The following NEBL variants were observed in gnomAD, a reference collection of about 807,000 sequenced individuals.
NEBL encodes the protein LIM and SH3 protein 2.
NEBL carries 122 observed loss-of-function variants against 140.2 expected under a neutral mutation model. That is an observed-to-expected ratio of 0.87 (90% CI 0.75 to 1.01). The LOEUF (loss-of-function observed/expected upper bound fraction) is 1.01, where lower values mean the gene tolerates loss of function less well. Ranked by LOEUF, NEBL falls within the 50% of genes least tolerant of loss-of-function variation. The pLI is 0.00. For synonymous variants in NEBL, 436 were observed against 398.9 expected (o/e 1.09, Z -1.11); for missense variants, 1,365 against 1,231.3 (o/e 1.11, Z -1.62).
At chr10:20,814,162 T>A in intron 22 of NEBL, 119 bp from the exon 23 acceptor site, 6 of 729,100 alleles carry the variant, frequency 8.2e-6, no homozygotes, top group Non-Finnish European at 1.2e-5. Context: ...CAGGTAACTA[T>A]TTCAGTGAAT....
rs147228225 is a variant in NEBL at position 21,109,943 on chromosome 10, T to G, written c.164+62440A>C. 7.8e-3 allele frequency among the ~76,000 whole-genome samples: 1,194 copies of G among 152,282 alleles called. 53 individuals are homozygous for G. The East Asian group carries it at 0.12, about 15-fold the overall frequency. On this transcript the variant is annotated intron_variant, in intron 2 of 6. Coordinates refer to the NEBL transcript ENST00000417816. The stretch of plus-strand genomic sequence containing the variant: ...TGGTCTATCTATGTTGTTAGTCTTT[T>G]CAAAAAACCAGCTCCTGGATTCATT...
intron 2 of NEBL, among the ~76,000 whole-genome samples, chr10:21,031,004 A>G (rs1833755556): frequency 6.6e-6 from 1 of 152,200 alleles, no homozygotes; most frequent in Admixed American, 6.5e-5. Context: ...CATGTGGAGG[A>G]AAAAGCGTGA....
Position 21,030,186 on chromosome 10 carries a change from A to C in NEBL, c.165-9985T>G, listed in dbSNP as rs1190792649. 7 of 489,702 alleles carry C rather than the reference A, an allele frequency of 1.4e-5. No individual in the cohort carries two copies. The East Asian group carries it at 3.4e-4, about 24-fold the overall frequency. 30.3% of individuals were successfully genotyped at this position (489,702 alleles called of 1,614,324 possible). ...GATAAGTTGCAGCATCAGCTGGATG[A>C]GGCAAAACTAGAATGACGGCCTCGG... On this transcript the variant is annotated intron_variant, in intron 2 of 6. Coordinates refer to the NEBL transcript ENST00000417816.
intron 4 of NEBL, among the ~76,000 whole-genome samples, chr10:20,917,936 T>G (rs1380928922): frequency 6.6e-6 from 1 of 152,214 alleles, no homozygotes; most frequent in Non-Finnish European, 1.5e-5. Flanking sequence ...AATATGATCA[T>G]TGAGAAAATG....
intron 3 of NEBL, among the ~76,000 whole-genome samples, chr10:20,995,044 C>G (rs1330913126): frequency 6.6e-6 from 1 of 152,168 alleles, no homozygotes; most frequent in Non-Finnish European, 1.5e-5. Flanking sequence ...ACACCTCTCC[C>G]AAAAGCCAAC....
chr10:20,790,634 A>C (rs929582557), intron 26 of NEBL, among the ~76,000 whole-genome samples: 6 of 151,982 alleles, frequency 3.9e-5, no homozygotes, highest in Non-Finnish European at 8.8e-5. Context: ...AAACAAAAAA[A>C]CAAAGACAAA....
intron 4 of NEBL, among the ~76,000 whole-genome samples, chr10:20,933,564 T>C (rs1834312658): frequency 6.6e-6 from 1 of 151,898 alleles, no homozygotes; most frequent in Admixed American, 6.6e-5. Context: ...CTAAACCCCA[T>C]TTCTACTAAA....
At chr10:20,857,337 G>A (rs3791199) in intron 9 of NEBL, among the ~76,000 whole-genome samples, 21,932 of 152,076 alleles carry the variant, frequency 0.14, 2,070 homozygotes, top group Non-Finnish European at 0.21. Flanking sequence ...TTTGCCTATA[G>A]ATTTCTAAGT....
rs117863732 is a variant in NEBL at position 20,932,741 on chromosome 10, G to A, written c.357+28931C>T. On this transcript the variant is annotated intron_variant, in intron 4 of 6. Transcript: ENST00000417816. ...TTTACATAAAACCATTTTATTTGTCGATACTAATCGTTGTGCTATTTCTTC... is the reference window on the plus strand; with the variant it reads ...TTTACATAAAACCATTTTATTTGTCAATACTAATCGTTGTGCTATTTCTTC... Among the ~76,000 whole-genome samples the A allele has an allele frequency of 1.7e-3, 266 of 152,146 alleles. 8 individuals carry two copies. The East Asian group carries it at 0.044, about 25-fold the overall frequency.
At chr10:20,823,444 T>C (rs1369079312) in intron 18 of NEBL, 144 bp from the exon 19 acceptor site, 4 of 603,626 alleles carry the variant, frequency 6.6e-6, no homozygotes, top group South Asian at 4.4e-5. Context: ...TAATTCTTAA[T>C]TTTATATGAT....
At chr10:21,086,843 G>A (rs978130421) in intron 2 of NEBL, among the ~76,000 whole-genome samples, 2 of 152,118 alleles carry the variant, frequency 1.3e-5, no homozygotes, top group African/African-American at 4.8e-5. Context: ...CAATGACAAA[G>A]ACAGATACCA....
At chr10:20,943,476 T>C (rs1835002364) in intron 4 of NEBL, among the ~76,000 whole-genome samples, 1 of 152,074 alleles carries the variant, frequency 6.6e-6, no homozygotes, top group Non-Finnish European at 1.5e-5. Flanking sequence ...GCATTAGGAA[T>C]ATACCTAATG....
chr10:20,938,782 G>A (rs111681971), intron 4 of NEBL, among the ~76,000 whole-genome samples: 1 of 152,138 alleles, frequency 6.6e-6, no homozygotes, highest in Non-Finnish European at 1.5e-5. Context: ...CAACAACTAC[G>A]TGACGAATGC....
intron 18 of NEBL, among the ~76,000 whole-genome samples, chr10:20,825,396 C>T (rs557038837): frequency 6.6e-6 from 1 of 152,256 alleles, no homozygotes; most frequent in East Asian, 1.9e-4. Flanking sequence ...GTAGCTTATG[C>T]CTGTAATCCC....
At chr10:20,813,201 A>C (rs1838350609) in intron 23 of NEBL, among the ~76,000 whole-genome samples, 1 of 150,896 alleles carries the variant, frequency 6.6e-6, no homozygotes, top group Non-Finnish European at 1.5e-5. Context: ...ATATATTATT[A>C]ATGAGAGCTT....
At chr10:21,222,555 C>G (rs1182815979) in intron 3 of NEBL, among the ~76,000 whole-genome samples, 2 of 151,976 alleles carry the variant, frequency 1.3e-5, no homozygotes, top group Non-Finnish European at 2.9e-5. Flanking sequence ...AATTTCTAAC[C>G]CTGCCAAGTC....
intron 4 of NEBL, among the ~76,000 whole-genome samples, chr10:20,943,592 TAAAAA>T (rs954385974): frequency 6.7e-6 from 1 of 148,204 alleles, no homozygotes; most frequent in African/African-American, 2.5e-5. Context: ...AGTATAATAA[TAAAAA>T]AAAAAGTTGA....
intron 2 of NEBL, among the ~76,000 whole-genome samples, chr10:21,084,808 C>T (rs1178505566): frequency 1.3e-5 from 2 of 152,096 alleles, no homozygotes; most frequent in East Asian, 1.9e-4. Context: ...CAGGGGCATA[C>T]GCACTAGCAC....
chr10:21,233,295 G>A (rs942343634), intron 3 of NEBL, among the ~76,000 whole-genome samples: 5 of 152,026 alleles, frequency 3.3e-5, no homozygotes, highest in South Asian at 4.1e-4. Context: ...CAATCTGCCC[G>A]CCTTGGCCTC....
Sources: gnomAD v4.1 joint callset for allele counts (sites outside exome capture counted in the v4.1 genomes callset) on GRCh38, gnomAD v4.1.1 for gene constraint, MANE v1.5 for transcripts, NCBI Gene and HGNC (gene_info 2026-07-23, HGNC 2026-07-21) for gene names.